The following EYA1 variants were observed in gnomAD, a reference collection of about 807,000 sequenced individuals.
EYA1 encodes the protein protein phosphatase EYA1.
EYA1 carries 16 observed loss-of-function variants against 82.0 expected under a neutral mutation model. The ratio of observed to expected loss-of-function variants is 0.20; its 90% CI spans 0.13 to 0.30. The LOEUF (loss-of-function observed/expected upper bound fraction) is 0.30, where lower values mean the gene tolerates loss of function less well. EYA1 is among the 10% of genes least tolerant of loss of function. EYA1 has a pLI of 1.00. For missense variants in EYA1, 633 were observed against 730.7 expected (o/e 0.87, Z 1.54); for synonymous variants, 261 against 264.4 (o/e 0.99, Z 0.12).
chr8:71,405,444 A>C (rs960646368), intron 2 of EYA1, among the ~76,000 whole-genome samples: 1 of 152,218 alleles, frequency 6.6e-6, no homozygotes, highest in African/African-American at 2.4e-5. Context: ...TTCTGGGTTC[A>C]GGTGTCTGTG....
intron 2 of EYA1, among the ~76,000 whole-genome samples, chr8:71,498,489 TA>T (rs1811584788): frequency 1.3e-5 from 2 of 152,208 alleles, no homozygotes. Flanking sequence ...TAGATGTTAA[TA>T]TTTTCACACA....
At chr8:71,264,824 C>A (rs1019005815) in intron 11 of EYA1, among the ~76,000 whole-genome samples, 3 of 152,076 alleles carry the variant, frequency 2.0e-5, no homozygotes, top group African/African-American at 7.2e-5. Flanking sequence ...CTCAAGTGAT[C>A]TACCCGCCTC....
chr8:71,330,063 G>C (rs1201750237), intron 4 of EYA1, among the ~76,000 whole-genome samples: 2 of 152,130 alleles, frequency 1.3e-5, no homozygotes, highest in East Asian at 3.8e-4. Flanking sequence ...CTACCACATG[G>C]GAGGAAGAAC....
intron 2 of EYA1, among the ~76,000 whole-genome samples, chr8:71,504,115 C>T (rs1037179333): frequency 1.3e-5 from 2 of 152,132 alleles, no homozygotes; most frequent in East Asian, 3.8e-4. Flanking sequence ...TTGCTTCACC[C>T]TGCATCTCTT....
intron 2 of EYA1, among the ~76,000 whole-genome samples, chr8:71,443,145 A>T (rs1806556242): frequency 6.6e-6 from 1 of 152,186 alleles, no homozygotes; most frequent in Non-Finnish European, 1.5e-5. Flanking sequence ...TCCAGGACAG[A>T]AAGATAATGA....
chr8:71,313,117 C>G (rs1821534335), intron 7 of EYA1, among the ~76,000 whole-genome samples: 1 of 152,142 alleles, frequency 6.6e-6, no homozygotes, highest in South Asian at 2.1e-4. Flanking sequence ...TCCCCACTCT[C>G]ATTTTCCAAC....
At chr8:71,268,965 T>A (rs1224350202) in intron 11 of EYA1, among the ~76,000 whole-genome samples, 2 of 152,242 alleles carry the variant, frequency 1.3e-5, no homozygotes, top group Non-Finnish European at 2.9e-5. Context: ...ACCTAAGACT[T>A]ATTATTTCTT....
chr8:71,480,022 T>C (rs1213892261), intron 2 of EYA1, among the ~76,000 whole-genome samples: 1 of 152,170 alleles, frequency 6.6e-6, no homozygotes, highest in Non-Finnish European at 1.5e-5. Flanking sequence ...TCTCAAGTGA[T>C]ACATGTGGTC....
intron 4 of EYA1, among the ~76,000 whole-genome samples, chr8:71,330,934 C>T (rs1477156497): frequency 6.6e-6 from 1 of 151,192 alleles, no homozygotes; most frequent in Non-Finnish European, 1.5e-5. Context: ...TGTCTTTTTA[C>T]TTATAAATAT....
chr8:71,524,723 G>A (rs12334548), intron 2 of EYA1, among the ~76,000 whole-genome samples: 4 of 152,078 alleles, frequency 2.6e-5, no homozygotes, highest in Non-Finnish European at 5.9e-5. Context: ...AACAAGAATG[G>A]GCGAGTGAAT....
chr8:71,336,221 C>T lies in EYA1; in HGVS notation c.125-2047G>A, dbSNP rs1008195810. ...AAGAAATAGTAATAAGTGGGACTTT[C>T]CAATAGTACAAGCTACTCCACAACA... On this transcript the variant is annotated intron_variant, in intron 3 of 17. Transcript: ENST00000340726. Among the ~76,000 whole-genome samples the T allele has an allele frequency of 5.9e-5, 9 of 152,250 alleles. No individual in the cohort carries two copies. The South Asian group carries it at 1.9e-3, about 32-fold the overall frequency.
chr8:71,210,984 A>G (rs1808434836), intron 17 of EYA1, among the ~76,000 whole-genome samples, 172 bp downstream of exon 17: 1 of 152,250 alleles, frequency 6.6e-6, no homozygotes, highest in African/African-American at 2.4e-5. Context: ...ACTACTATTC[A>G]GAAAGATCAC....
intron 2 of EYA1, among the ~76,000 whole-genome samples, chr8:71,503,334 G>A (rs769074771): frequency 3.2e-4 from 49 of 152,022 alleles, no homozygotes; most frequent in Non-Finnish European, 5.9e-4. Flanking sequence ...TTACCTGGGC[G>A]TGGTGGCATG....
intron 2 of EYA1, among the ~76,000 whole-genome samples, chr8:71,525,071 A>G (rs527403383): frequency 6.6e-6 from 1 of 152,352 alleles, no homozygotes; most frequent in African/African-American, 2.4e-5. Context: ...TGAGATACCC[A>G]GTATTGAAAT....
intron 3 of EYA1, among the ~76,000 whole-genome samples, chr8:71,345,114 A>C (rs143477073): frequency 1.3e-5 from 2 of 152,162 alleles, no homozygotes; most frequent in Admixed American, 6.5e-5. Context: ...GTTTCTTTTT[A>C]AAAATATAAC....
intron 2 of EYA1, among the ~76,000 whole-genome samples, chr8:71,466,891 G>A (rs1808809737): frequency 6.6e-6 from 1 of 152,064 alleles, no homozygotes; most frequent in Non-Finnish European, 1.5e-5. Context: ...GTTTGGATAA[G>A]AGTCATCTAA....
At chr8:71,453,873 A>G (rs1807624874) in intron 2 of EYA1, among the ~76,000 whole-genome samples, 1 of 152,234 alleles carries the variant, frequency 6.6e-6, no homozygotes, top group Non-Finnish European at 1.5e-5. Flanking sequence ...TAATGAGCAA[A>G]ATAACCAGCT....
intron 17 of EYA1, among the ~76,000 whole-genome samples, chr8:71,209,431 C>T (rs1354639765): frequency 2.6e-5 from 4 of 152,120 alleles, no homozygotes; most frequent in East Asian, 1.9e-4. Context: ...CCTGAAGTCA[C>T]GTGTGGGTTT....
chr8:71,441,577 T>C (rs1806438440), intron 2 of EYA1, among the ~76,000 whole-genome samples: 1 of 152,206 alleles, frequency 6.6e-6, no homozygotes, highest in Admixed American at 6.5e-5. Flanking sequence ...CATAGTATGG[T>C]ATATAAAAAT....
Sources: gnomAD v4.1 joint callset for allele counts (sites outside exome capture counted in the v4.1 genomes callset) on GRCh38, gnomAD v4.1.1 for gene constraint, MANE v1.5 for transcripts, NCBI Gene and HGNC (gene_info 2026-07-23, HGNC 2026-07-21) for gene names.